ARHGAP32: variants seen among roughly 807,000 people sequenced by gnomAD.
ARHGAP32 encodes the protein Rho GTPase activating protein 32.
Under a neutral mutation model 186.5 loss-of-function variants are expected in ARHGAP32, and 51 were observed. The ratio of observed to expected loss-of-function variants is 0.27; its 90% CI spans 0.22 to 0.35. The LOEUF is 0.35. Among genes scored for constraint, ARHGAP32 ranks in the 10% least tolerant of loss-of-function variants. The probability of loss-of-function intolerance (pLI) is 1.00; values close to 1 mark genes in which losing one functional copy is unlikely to be tolerated. For synonymous variants in ARHGAP32, 950 were observed against 964.3 expected (o/e 0.99, Z 0.27); for missense variants, 2,186 against 2,623.5 (o/e 0.83, Z 3.64).
intron 11 of ARHGAP32, among the ~76,000 whole-genome samples, chr11:129,000,868 G>A (rs1226127568): frequency 6.6e-6 from 1 of 152,068 alleles, no homozygotes; most frequent in Non-Finnish European, 1.5e-5. Context: ...AAATAAGTGA[G>A]AATGTACAAA....
chr11:129,019,431 T>C (rs1386572099), intron 11 of ARHGAP32, among the ~76,000 whole-genome samples: 1 of 152,178 alleles, frequency 6.6e-6, no homozygotes, highest in African/African-American at 2.4e-5. Context: ...ACATTCAAAA[T>C]ATAAACAAGT....
intron 11 of ARHGAP32, among the ~76,000 whole-genome samples, chr11:129,006,311 G>A (rs1937769913): frequency 6.6e-6 from 1 of 152,178 alleles, no homozygotes; most frequent in Non-Finnish European, 1.5e-5. Flanking sequence ...GCATTGAAGA[G>A]TCAGGTATTT....
chr11:129,095,948 A>G (rs1009081875), intron 5 of ARHGAP32, among the ~76,000 whole-genome samples: 5 of 152,228 alleles, frequency 3.3e-5, no homozygotes, highest in African/African-American at 1.2e-4. Flanking sequence ...CAAAATATTT[A>G]AAGTAGTGAT....
intron 1 of ARHGAP32, among the ~76,000 whole-genome samples, chr11:129,210,826 T>C (rs1456691854): frequency 6.6e-6 from 1 of 152,212 alleles, no homozygotes; most frequent in East Asian, 1.9e-4. Flanking sequence ...ATGATGTTAA[T>C]ATAACTCAGA....
intron 1 of ARHGAP32, among the ~76,000 whole-genome samples, chr11:129,221,940 G>A (rs1025450786): frequency 6.6e-6 from 1 of 152,000 alleles, no homozygotes; most frequent in Non-Finnish European, 1.5e-5. Flanking sequence ...TTCCTTCCAA[G>A]ACCTCACTGA....
intron 1 of ARHGAP32, 108 bp downstream of exon 1, chr11:129,191,974 GA>G (rs1167292356): frequency 3.7e-6 from 3 of 816,204 alleles, no homozygotes; most frequent in Non-Finnish European, 6.0e-6. Flanking sequence ...CCTTCCCCCA[GA>G]AAACAGAAAG....
intron 12 of ARHGAP32, among the ~76,000 whole-genome samples, chr11:128,990,884 C>A (rs534350678): frequency 6.0e-4 from 91 of 152,254 alleles, no homozygotes; most frequent in African/African-American, 2.1e-3. Context: ...AGTTAAAATT[C>A]TTTCCTGTAA....
chr11:129,033,644 A>C (rs1317703274), intron 11 of ARHGAP32, among the ~76,000 whole-genome samples: 1 of 152,196 alleles, frequency 6.6e-6, no homozygotes, highest in Non-Finnish European at 1.5e-5. Flanking sequence ...AATTAATACT[A>C]TGTCTAAAGC....
intron 1 of ARHGAP32, among the ~76,000 whole-genome samples, chr11:129,210,597 A>T (rs1276422599): frequency 6.6e-6 from 1 of 152,174 alleles, no homozygotes; most frequent in Non-Finnish European, 1.5e-5. Flanking sequence ...ATACTTGCAA[A>T]AATACCACTC....
chr11:129,220,744 T>C (rs144923267), intron 1 of ARHGAP32, among the ~76,000 whole-genome samples: 1 of 152,220 alleles, frequency 6.6e-6, no homozygotes, highest in African/African-American at 2.4e-5. Flanking sequence ...TAAGAACTTG[T>C]AGGTGATTCT....
At chr11:129,198,909 T>A (rs565925155) in intron 1 of ARHGAP32, among the ~76,000 whole-genome samples, 1 of 152,306 alleles carries the variant, frequency 6.6e-6, no homozygotes, top group South Asian at 2.1e-4. Context: ...TTGACCAAAA[T>A]GCTGATAATG....
chr11:129,020,784 A>C (rs966368241), intron 11 of ARHGAP32, among the ~76,000 whole-genome samples: 2 of 152,064 alleles, frequency 1.3e-5, no homozygotes, highest in African/African-American at 2.4e-5. Flanking sequence ...ATATGTCAAA[A>C]ATTTTTTTTA....
At chr11:129,230,059 C>T (rs1471613325) in intron 1 of ARHGAP32, among the ~76,000 whole-genome samples, 1 of 152,120 alleles carries the variant, frequency 6.6e-6, no homozygotes, top group Admixed American at 6.6e-5. Context: ...AAGCGATCTG[C>T]CTGTCTCGGC....
intron 5 of ARHGAP32, among the ~76,000 whole-genome samples, chr11:129,102,755 G>C (rs915426052): frequency 6.6e-6 from 1 of 152,128 alleles, no homozygotes; most frequent in African/African-American, 2.4e-5. Context: ...CTTGTACATT[G>C]TTGGTGGTAT....
At position 128,974,920 on chromosome 11, in the gene ARHGAP32, C is replaced by T. The variant is rs1393428996; in HGVS notation, c.2277G>A (p.Gly759=). ...LSASFNGEML[G]NRCNSYDNLP... Reference sequence around the variant, plus strand: ...GATTATCATAGGAGTTACAGCGGTTCCCCAGCATTTCTCCATTAAAAGAGG... The same window carrying T: ...GATTATCATAGGAGTTACAGCGGTTTCCCAGCATTTCTCCATTAAAAGAGG... The change falls in exon 21 of 23, where the codon GGG becomes GGA. Residue 759 remains glycine, a synonymous_variant. Transcript: ENST00000682385. 1 of 1,614,074 alleles carries T rather than the reference C, an allele frequency of 6.2e-7. No homozygotes were observed. The highest frequency in any genetic ancestry group is 1.3e-5 in the African/African-American group (1 of 75,038).
chr11:129,140,050 A>G (rs923814838), intron 2 of ARHGAP32, among the ~76,000 whole-genome samples: 3 of 152,198 alleles, frequency 2.0e-5, no homozygotes, highest in Admixed American at 6.5e-5. Flanking sequence ...GGATAGGCCT[A>G]ATCTAATCAC....
At chr11:129,159,808 T>C (rs895014113) in intron 2 of ARHGAP32, among the ~76,000 whole-genome samples, 5 of 152,130 alleles carry the variant, frequency 3.3e-5, no homozygotes, top group African/African-American at 1.2e-4. Context: ...TGAACATCAA[T>C]GTGAAAATCC....
At chr11:128,980,476 T>A (rs910080159) in intron 18 of ARHGAP32, 77 bp downstream of exon 18, 1 of 1,235,570 alleles carries the variant, frequency 8.1e-7, no homozygotes, top group Non-Finnish European at 1.1e-6. Context: ...AAATACAAAA[T>A]TAAAAGCAAA....
chr11:129,086,361 T>A (rs1279919085), intron 6 of ARHGAP32, among the ~76,000 whole-genome samples: 5 of 152,162 alleles, frequency 3.3e-5, no homozygotes, highest in Non-Finnish European at 7.4e-5. Flanking sequence ...AAAATCTAGA[T>A]GACCTTAGTT....
Sources: gnomAD v4.1 joint callset for allele counts (sites outside exome capture counted in the v4.1 genomes callset) on GRCh38, gnomAD v4.1.1 for gene constraint, MANE v1.5 for transcripts, NCBI Gene and HGNC (gene_info 2026-07-23, HGNC 2026-07-21) for gene names.